ARTN: variants seen among roughly 807,000 people sequenced by gnomAD.
ARTN encodes the protein artemin, also known as neublastin.
Under a neutral mutation model 15.4 loss-of-function variants are expected in ARTN, and 9 were observed. The observed-to-expected ratio is 0.58, with a 90% confidence interval of 0.35 to 1.02. The LOEUF (loss-of-function observed/expected upper bound fraction) is 1.02, where lower values mean the gene tolerates loss of function less well. Ranked by LOEUF, ARTN falls within the 50% of genes least tolerant of loss-of-function variation. The pLI is 0.02. For missense variants in ARTN, 284 were observed against 327.9 expected, an observed-to-expected ratio of 0.87 and a Z score of 1.03; for synonymous variants, 163 against 155.8, an observed-to-expected ratio of 1.05 and a Z score of -0.35.
chr1:43,936,627 A>G lies in ARTN; in HGVS notation c.525A>G (p.Arg175=), dbSNP rs754955889. The G allele has an allele frequency of 6.3e-7, 1 of 1,593,724 alleles. No individual in the cohort carries two copies. Among genetic ancestry groups the G allele is most frequent in the South Asian group, 1.1e-5 (1 of 88,470 alleles). ...GCCTACTGGGCGCCGGGGCCCTGCG[A>G]CCGCCCCCGGGCTCCCGGCCCGTCA... ...LASLLGAGAL[R]PPPGSRPVSQ... The change falls in exon 5 of 5, where the codon CGA becomes CGG. Residue 175 remains arginine, a synonymous_variant. Coordinates refer to ENST00000372359, the MANE Select transcript of ARTN (RefSeq NM_057091.3). The surrounding 1 kb of genome is among the most constrained non-coding windows in gnomAD (Gnocchi z 6.6).
chr1:43,936,569 G>C lies in ARTN; in HGVS notation c.467G>C (p.Arg156Pro). The change falls in exon 5 of 5, where the codon CGC (arginine) becomes CCC (proline). Residue 156 changes from arginine (R) to proline (P), a missense_variant. Physicochemically the swap from Arg to Pro is moderately radical, Grantham distance 103 (BLOSUM62 -2). Transcript: ENST00000372359. This position sits in a 1 kb window ranked among gnomAD's most constrained non-coding sequence, Gnocchi z 6.6. ...CGCTTCTGCAGCGGCTCCTGCCGCCGCGCGCGCTCTCCACACGACCTCAGC... is the reference window on the plus strand; with the variant it reads ...CGCTTCTGCAGCGGCTCCTGCCGCCCCGCGCGCTCTCCACACGACCTCAGC... Reference protein sequence around the residue: ...RFRFCSGSCRRARSPHDLSLA... With the variant: ...RFRFCSGSCRPARSPHDLSLA... 1 of 1,557,940 alleles carries C rather than the reference G, an allele frequency of 6.4e-7. No homozygotes were observed. The highest frequency in any genetic ancestry group is 8.6e-7 in the Non-Finnish European group (1 of 1,156,784).
rs1433426163 is a variant in ARTN at position 43,936,021 on chromosome 1, G to A, written c.61-72G>A. On this transcript the variant is annotated intron_variant, in intron 3 of 4. Coordinates refer to ENST00000372359, the MANE Select transcript of ARTN (RefSeq NM_057091.3). This position sits in a 1 kb window ranked among gnomAD's most constrained non-coding sequence, Gnocchi z 6.6. ...CTCAGCCCGAGGACAGCCCCTCCTTGAGGTCCTTCCTCCCCAAGCCCACCT... is the reference window on the plus strand; with the variant it reads ...CTCAGCCCGAGGACAGCCCCTCCTTAAGGTCCTTCCTCCCCAAGCCCACCT... 1 of 1,605,138 alleles carries A rather than the reference G, an allele frequency of 6.2e-7. No individual in the cohort carries two copies. The highest frequency in any genetic ancestry group is 8.5e-7 in the Non-Finnish European group (1 of 1,172,778).
chr1:43,936,128 G>A lies in ARTN; in HGVS notation c.96G>A (p.Leu32=). 1 of 1,605,216 alleles carries A rather than the reference G, an allele frequency of 6.2e-7. No homozygotes were observed. The highest frequency in any genetic ancestry group is 1.7e-4 in the Middle Eastern group (1 of 6,016). Residue 32 remains leucine (L), a synonymous_variant, in exon 4 of 5, where the codon CTG becomes CTA. Coordinates refer to ENST00000372359, the MANE Select transcript of ARTN (RefSeq NM_057091.3). This position sits in a 1 kb window ranked among gnomAD's most constrained non-coding sequence, Gnocchi z 6.6. ...ALWPTLAALA[L]LSSVAEASLG... ...GGCCCACCCTGGCCGCTCTGGCTCT[G>A]CTGAGCAGCGTCGCAGAGGCCTCCC...
At position 43,934,184 on chromosome 1, in the gene ARTN, G is replaced by T. The variant is rs896242915; in HGVS notation, c.-144G>T. 1 of 152,804 alleles carries T rather than the reference G, an allele frequency of 6.5e-6. No individual in the cohort carries two copies. Among genetic ancestry groups the T allele is most frequent in the Non-Finnish European group, 1.5e-5 (1 of 68,172 alleles). The allele number at this position is 152,804 out of a possible 1,614,324, so 9.5% of individuals were successfully genotyped here. A position where few individuals can be genotyped will look rare whatever the true frequency, so the allele number is the denominator to read the frequency against. On this transcript the variant is annotated 5_prime_UTR_variant, in exon 2 of 5. Coordinates refer to ENST00000372359, the MANE Select transcript of ARTN (RefSeq NM_057091.3). The stretch of plus-strand genomic sequence containing the variant: ...GCCAGGTGTACAGTCCTGGGCATGC[G>T]CTGTTTGAGCTTCGGGGGAGAGCCC...
Position 43,936,164 on chromosome 1 carries a change from G to A in ARTN, c.132G>A (p.Ala44=), listed in dbSNP as rs1285831167. ...TCGCAGAGGCCTCCCTGGGCTCCGC[G>A]CCCCGCAGCCCTGCCCCCCGCGAAG... ...SSVAEASLGS[A]PRSPAPREGP... Residue 44 remains alanine, a synonymous_variant, in exon 4 of 5, where the codon GCG becomes GCA. Transcript: ENST00000372359. The surrounding 1 kb of genome is among the most constrained non-coding windows in gnomAD (Gnocchi z 6.6). The A allele has an allele frequency of 6.4e-7, 1 of 1,564,484 alleles. No individual in the cohort carries two copies.
Position 43,936,833 on chromosome 1 carries a change from A to G in ARTN, c.*68A>G. On this transcript the variant is annotated 3_prime_UTR_variant, in exon 5 of 5. Transcript: ENST00000372359. The surrounding 1 kb of genome is among the most constrained non-coding windows in gnomAD (Gnocchi z 6.6). The stretch of plus-strand genomic sequence containing the variant: ...CTCTTCCTGCCTGGGACCCTCCCGC[A>G]GAGTCCCACTAGCCAGCGGCCTCAG... 7.4e-7 allele frequency: 1 copy of G among 1,350,500 alleles called. No homozygotes were observed. Among genetic ancestry groups the G allele is most frequent in the Admixed American group, 3.4e-5 (1 of 29,404 alleles). 83.7% of individuals were successfully genotyped at this position (1,350,500 alleles called of 1,614,324 possible). A position where few individuals can be genotyped will look rare whatever the true frequency, so the allele number is the denominator to read the frequency against.
chr1:43,935,998 C>T, intron 3 of ARTN, 95 bp from the exon 4 acceptor site: 1 of 1,554,240 alleles, frequency 6.4e-7, no homozygotes, highest in Non-Finnish European at 8.9e-7. Flanking sequence ...GGCCTGATCT[C>T]AGCCCGAGGA....
chr1:43,935,878 C>A, intron 3 of ARTN, 162 bp downstream of exon 3: 1 of 893,730 alleles, frequency 1.1e-6, no homozygotes, highest in South Asian at 1.6e-5. Flanking sequence ...TCTGAATGGT[C>A]GGTGCACTCA....
rs2085108421 is a variant in ARTN at position 43,937,060 on chromosome 1, G to GA, written c.*295_*296insA. Reference sequence around the variant, plus strand: ...CTGGCACTGGCCAGGCCTCGAACCTGGGACCCCTCCTCTGATGAACACTAC... The same window carrying GA: ...CTGGCACTGGCCAGGCCTCGAACCTGAGGACCCCTCCTCTGATGAACACTAC... On this transcript the variant is annotated 3_prime_UTR_variant, in exon 5 of 5. Coordinates refer to ENST00000372359, the MANE Select transcript of ARTN (RefSeq NM_057091.3). 1 of 298,526 alleles carries GA rather than the reference G, an allele frequency of 3.3e-6. No individual in the cohort carries two copies. Among genetic ancestry groups the GA allele is most frequent in the Admixed American group, 5.1e-5 (1 of 19,500 alleles). 18.5% of individuals were successfully genotyped at this position (298,526 alleles called of 1,614,324 possible). A position where few individuals can be genotyped will look rare whatever the true frequency, so the allele number is the denominator to read the frequency against.
chr1:43,935,910 C>T (rs2085086673), intron 3 of ARTN, 183 bp from the exon 4 acceptor site: 2 of 959,706 alleles, frequency 2.1e-6, no homozygotes, highest in East Asian at 2.6e-5. Context: ...CCCTGGGCTC[C>T]CAGAGGCAGC....
chr1:43,935,391 T>C (rs2085079430), intron 2 of ARTN, 199 bp from the exon 3 acceptor site: 1 of 479,490 alleles, frequency 2.1e-6, no homozygotes, highest in Non-Finnish European at 3.7e-6. Context: ...TTTGCTCATC[T>C]GGAAAAAGGG....
Position 43,935,636 on chromosome 1 carries a change from G to C in ARTN, c.-21G>C. On this transcript the variant is annotated 5_prime_UTR_variant, in exon 3 of 5. Coordinates refer to ENST00000372359, the MANE Select transcript of ARTN (RefSeq NM_057091.3). ...GGAACAGCTCAACAATGGCTGATGGGCGCTCCTGGTGTTGATAGAGATGGA... is the reference window on the plus strand; with the variant it reads ...GGAACAGCTCAACAATGGCTGATGGCCGCTCCTGGTGTTGATAGAGATGGA... The C allele has an allele frequency of 1.9e-6, 3 of 1,612,336 alleles. No homozygotes were observed. The highest frequency in any genetic ancestry group is 2.5e-6 in the Non-Finnish European group (3 of 1,179,240).
In ARTN at chr1:43,936,015, C is replaced by T; in HGVS notation, c.61-78C>T. 6.3e-7 allele frequency: 1 copy of T among 1,597,358 alleles called. No homozygotes were observed. Among genetic ancestry groups the T allele is most frequent in the East Asian group, 2.2e-5 (1 of 44,764 alleles). On this transcript the variant is annotated intron_variant, in intron 3 of 4. Transcript: ENST00000372359. This position sits in a 1 kb window ranked among gnomAD's most constrained non-coding sequence, Gnocchi z 6.6. ...CCTGATCTCAGCCCGAGGACAGCCC[C>T]TCCTTGAGGTCCTTCCTCCCCAAGC...
At chr1:43,935,846 A>G in intron 3 of ARTN, 130 bp downstream of exon 3, 1 of 977,848 alleles carries the variant, frequency 1.0e-6, no homozygotes, top group Admixed American at 2.5e-5. Context: ...GACCAGGTGA[A>G]TGGGAGGAGG....
At position 43,934,180 on chromosome 1, in the gene ARTN, ATGCGCTGTTTGAGCTTCGGGGGAGAG is replaced by A. The variant is rs2085068139; in HGVS notation, c.-147_-122del. On this transcript the variant is annotated 5_prime_UTR_variant, in exon 2 of 5. It removes an upstream start codon present in the reference 5' UTR. Transcript: ENST00000372359. ...CACTGCCAGGTGTACAGTCCTGGGCATGCGCTGTTTGAGCTTCGGGGGAGAGCCCAGCACTGGTCCCCGGAAAGGTG... is the reference window on the plus strand; with the variant it reads ...CACTGCCAGGTGTACAGTCCTGGGCACCCAGCACTGGTCCCCGGAAAGGTG... 1.3e-5 allele frequency: 2 copies of A among 152,852 alleles called. No homozygotes were observed. Among genetic ancestry groups the A allele is most frequent in the African/African-American group, 4.8e-5 (2 of 41,474 alleles). The allele number at this position is 152,852 out of a possible 1,614,324, so 9.5% of individuals were successfully genotyped here. A position where few individuals can be genotyped will look rare whatever the true frequency, so the allele number is the denominator to read the frequency against.
rs1441003627 is a variant in ARTN, at chr1:43,936,587, A to G, written c.485A>G (p.Asp162Gly). 1 of 1,583,056 alleles carries G rather than the reference A, an allele frequency of 6.3e-7. No homozygotes were observed. The highest frequency in any genetic ancestry group is 8.6e-7 in the Non-Finnish European group (1 of 1,167,008). The change falls in exon 5 of 5, where the codon GAC becomes GGC. Residue 162 changes from aspartate (D) to glycine (G), a missense_variant. Transcript: ENST00000372359. This position sits in a 1 kb window ranked among gnomAD's most constrained non-coding sequence, Gnocchi z 6.6. Reference protein sequence around the residue: ...GSCRRARSPHDLSLASLLGAG... With the variant: ...GSCRRARSPHGLSLASLLGAG... Reference sequence around the variant, plus strand: ...TGCCGCCGCGCGCGCTCTCCACACGACCTCAGCCTGGCCAGCCTACTGGGC... The same window carrying G: ...TGCCGCCGCGCGCGCTCTCCACACGGCCTCAGCCTGGCCAGCCTACTGGGC...
intron 3 of ARTN, 148 bp from the exon 4 acceptor site, chr1:43,935,945 C>T (rs1293398561): frequency 8.7e-7 from 1 of 1,149,894 alleles, no homozygotes; most frequent in Non-Finnish European, 1.3e-6. Flanking sequence ...GGAACCTAGG[C>T]CCTTCCTGAG....
intron 3 of ARTN, 110 bp downstream of exon 3, chr1:43,935,826 G>C (rs1005223548): frequency 1.4e-5 from 15 of 1,110,458 alleles, no homozygotes; most frequent in Non-Finnish European, 1.8e-5. Context: ...AGGGAAAATG[G>C]TCAGGGAGGG....
chr1:43,935,386 T>A (rs906466618), intron 2 of ARTN: 8 of 470,466 alleles, frequency 1.7e-5, no homozygotes, highest in Non-Finnish European at 2.3e-5. Context: ...CCTTGTTTGC[T>A]CATCTGGAAA....
Sources: gnomAD v4.1 joint callset for allele counts on GRCh38, gnomAD v4.1.1 for gene constraint, Gnocchi (gnomAD v3.1) non-coding constraint, MANE v1.5 for transcripts, NCBI Gene and HGNC (gene_info 2026-07-23, HGNC 2026-07-21) for gene names.